The following CNTN4 variants were observed in gnomAD, a reference collection of about 807,000 sequenced individuals.
CNTN4 encodes contactin-4.
In CNTN4, 77 loss-of-function variants were observed where a neutral mutation model predicts 122.5. The observed-to-expected ratio is 0.63, with a 90% CI of 0.52 to 0.76. The LOEUF (loss-of-function observed/expected upper bound fraction) is 0.76. CNTN4 is among the 30% of genes least tolerant of loss of function. The pLI is 0.00. For synonymous variants in CNTN4, 512 were observed against 447.0 expected (o/e 1.15, Z -1.83); for missense variants, 1,256 against 1,259.1 (o/e 1.00, Z 0.04).
intron 3 of CNTN4, among the ~76,000 whole-genome samples, chr3:2,386,318 C>G (rs956019364): frequency 6.6e-6 from 1 of 152,076 alleles, no homozygotes; most frequent in Non-Finnish European, 1.5e-5. Context: ...AGTAGAATGG[C>G]CAGGTGGTAA....
chr3:2,423,246 A>G (rs778850795), intron 3 of CNTN4, among the ~76,000 whole-genome samples: 25 of 152,224 alleles, frequency 1.6e-4, no homozygotes, highest in Non-Finnish European at 2.8e-4. Flanking sequence ...TTTGACAAAC[A>G]AACTTCTAAG....
At chr3:2,483,200 C>G (rs1213954413) in intron 3 of CNTN4, among the ~76,000 whole-genome samples, 1 of 152,280 alleles carries the variant, frequency 6.6e-6, no homozygotes, top group African/African-American at 2.4e-5. Context: ...TAAAGGAGAT[C>G]ATTTTGGAGC....
rs534514688 is a variant in CNTN4, at chr3:2,569,768, A to G, written c.-88-1648A>G. Among the ~76,000 whole-genome samples, 34 of 152,168 alleles carry G rather than the reference A, an allele frequency of 2.2e-4. 1 individual carries two copies. Among genetic ancestry groups the G allele is most frequent in the Admixed American group, 1.1e-3 (17 of 15,280 alleles). On this transcript the variant is annotated intron_variant, in intron 3 of 24. Transcript: ENST00000418658. ...TCCCGGTTCCATAAATTTCTGGTTT[A>G]TTTGATTGACTGATGAATAGGTAGC...
intron 3 of CNTN4, among the ~76,000 whole-genome samples, chr3:2,371,865 G>T (rs1033438540): frequency 7.9e-5 from 12 of 152,174 alleles, no homozygotes; most frequent in Non-Finnish European, 1.5e-4. Flanking sequence ...GGCAGTGATT[G>T]GGAAACATGG....
chr3:2,724,732 GTGGGAAACGGAGGGTGTCAC>G (rs1413618163), intron 4 of CNTN4, among the ~76,000 whole-genome samples: 1 of 152,190 alleles, frequency 6.6e-6, no homozygotes, highest in Non-Finnish European at 1.5e-5. Context: ...TTTAATGTCA[GTGGGAAACGGAGGGTGTCAC>G]TGGGGAGTTA....
At chr3:2,469,666 T>C (rs1231336239) in intron 3 of CNTN4, among the ~76,000 whole-genome samples, 2 of 152,300 alleles carry the variant, frequency 1.3e-5, no homozygotes, top group East Asian at 3.9e-4. Flanking sequence ...CAACCAGTTT[T>C]TCACCTAGTT....
intron 23 of CNTN4, among the ~76,000 whole-genome samples, chr3:3,044,179 C>T (rs1700410098): frequency 1.3e-5 from 2 of 152,236 alleles, no homozygotes; most frequent in African/African-American, 4.8e-5. Context: ...GTTTGCCTGA[C>T]CCCATAAATG....
chr3:2,256,930 A>T (rs1353955105), intron 2 of CNTN4, among the ~76,000 whole-genome samples: 1 of 152,208 alleles, frequency 6.6e-6, no homozygotes, highest in East Asian at 1.9e-4. Flanking sequence ...CATAAACAGA[A>T]AAAACTGCTT....
chr3:2,170,912 A>G (rs988960063), intron 2 of CNTN4, among the ~76,000 whole-genome samples: 5 of 152,210 alleles, frequency 3.3e-5, no homozygotes, highest in Non-Finnish European at 5.9e-5. Flanking sequence ...AAAATGGTCT[A>G]TTTTAATACT....
chr3:3,026,062 CTTTGTTGTTGTTATTG>C, intron 14 of CNTN4, 24 bp from the exon 15 acceptor site: 2 of 1,571,864 alleles, frequency 1.3e-6, no homozygotes, highest in Non-Finnish European at 1.7e-6. Context: ...AGCTCACAGA[CTTTGTTGTTGTTATTG>C]TTTGTTTTGT....
chr3:2,550,623 C>G (rs993550902), intron 3 of CNTN4, among the ~76,000 whole-genome samples: 3 of 152,102 alleles, frequency 2.0e-5, no homozygotes, highest in African/African-American at 7.2e-5. Flanking sequence ...GGATTATAAA[C>G]CATTCTACTA....
At chr3:2,297,715 G>GTTTGT (rs1039380889) in intron 2 of CNTN4, among the ~76,000 whole-genome samples, 10 of 151,966 alleles carry the variant, frequency 6.6e-5, no homozygotes, top group South Asian at 2.1e-4. Context: ...TGTTTTGTTT[G>GTTTGT]TTTGTTTTGT....
At chr3:2,330,911 A>C (rs2043690771) in intron 2 of CNTN4, among the ~76,000 whole-genome samples, 1 of 152,192 alleles carries the variant, frequency 6.6e-6, no homozygotes, top group Admixed American at 6.5e-5. Context: ...GGAAAAATCA[A>C]ATTATAAATG....
chr3:3,044,838 G>A (rs995095982), intron 23 of CNTN4, among the ~76,000 whole-genome samples: 2 of 152,210 alleles, frequency 1.3e-5, no homozygotes, highest in Non-Finnish European at 2.9e-5. Context: ...AGGGCAAAGG[G>A]TCAAGGAATT....
intron 4 of CNTN4, among the ~76,000 whole-genome samples, chr3:2,653,387 G>C (rs1483927179): frequency 2.0e-5 from 3 of 152,106 alleles, no homozygotes; most frequent in African/African-American, 7.2e-5. Context: ...GCTGTAGATT[G>C]AGCTCTTTTC....
chr3:2,749,952 A>G (rs1396660335), intron 6 of CNTN4, among the ~76,000 whole-genome samples: 1 of 152,170 alleles, frequency 6.6e-6, no homozygotes, highest in Non-Finnish European at 1.5e-5. Flanking sequence ...TGTCATACTC[A>G]TTGAAGGAAA....
chr3:2,140,042 G>C (rs2034917499), intron 2 of CNTN4, among the ~76,000 whole-genome samples: 2 of 152,160 alleles, frequency 1.3e-5, no homozygotes, highest in Admixed American at 1.3e-4. Context: ...AGGATCTGAT[G>C]GCTTTATAAA....
chr3:2,389,249 G>GATCT (rs977222622), intron 3 of CNTN4, among the ~76,000 whole-genome samples: 2 of 151,430 alleles, frequency 1.3e-5, no homozygotes, highest in African/African-American at 4.9e-5. Context: ...TTTTCACCGT[G>GATCT]ATCTATCTTC....
intron 3 of CNTN4, among the ~76,000 whole-genome samples, chr3:2,544,387 T>C (rs867661592): frequency 6.6e-6 from 1 of 152,044 alleles, no homozygotes; most frequent in Admixed American, 6.6e-5. Flanking sequence ...TCACCAAAAA[T>C]AGTTGAATAG....
Sources: gnomAD v4.1 joint callset for allele counts (sites outside exome capture counted in the v4.1 genomes callset) on GRCh38, gnomAD v4.1.1 for gene constraint, MANE v1.5 for transcripts, NCBI Gene and HGNC (gene_info 2026-07-23, HGNC 2026-07-21) for gene names.